Variants in FMR1NB observed in about 807,000 individuals in gnomAD.
FMR1NB encodes the protein FMR1 neighbor, also known as FMR1 neighbor protein.
FMR1NB carries 10 observed loss-of-function variants against 16.8 expected under a neutral mutation model. The ratio of observed to expected loss-of-function variants is 0.60; its 90% CI spans 0.37 to 1.01. The LOEUF (loss-of-function observed/expected upper bound fraction) is 1.01, where lower values mean the gene tolerates loss of function less well. FMR1NB is among the 50% of genes least tolerant of loss of function. The pLI is 0.01. For synonymous variants in FMR1NB, 83 were observed against 79.1 expected, an observed-to-expected ratio of 1.05 and a Z score of -0.26; for missense variants, 205 against 204.8, an observed-to-expected ratio of 1.00 and a Z score of 0.00.
intron 1 of FMR1NB, among the ~76,000 whole-genome samples, chrX:148,002,622 A>T (rs1322699398): frequency 8.9e-6 from 1 of 112,391 alleles, no homozygotes; most frequent in Non-Finnish European, 1.9e-5. Context: ...GAGTTATAAT[A>T]GAGCCATATA....
intron 1 of FMR1NB, among the ~76,000 whole-genome samples, chrX:147,984,201 C>A (rs2044464984): frequency 9.0e-6 from 1 of 111,269 alleles, no homozygotes; most frequent in African/African-American, 3.3e-5. Context: ...GTATTCATGG[C>A]CACTAACGAC....
At chrX:147,985,132 T>C (rs1603068725) in intron 1 of FMR1NB, among the ~76,000 whole-genome samples, 1 of 111,184 alleles carries the variant, frequency 9.0e-6, no homozygotes. Flanking sequence ...TCTGCAGTTT[T>C]CTTGTGGTGT....
chrX:147,991,342 C>A (rs1370500702), intron 1 of FMR1NB, among the ~76,000 whole-genome samples: 2 of 110,079 alleles, frequency 1.8e-5, no homozygotes, highest in Non-Finnish European at 3.8e-5. Flanking sequence ...TTCCCTGCCT[C>A]ACCTTTGCTT....
chrX:147,997,474 C>A (rs781921674), intron 1 of FMR1NB, among the ~76,000 whole-genome samples: 1 of 112,388 alleles, frequency 8.9e-6, no homozygotes, highest in African/African-American at 3.2e-5. Flanking sequence ...GGATTAAACA[C>A]TTATGTGTAA....
intron 4 of FMR1NB, among the ~76,000 whole-genome samples, chrX:148,020,092 C>A (rs1469019134): frequency 8.9e-6 from 1 of 112,318 alleles, no homozygotes; most frequent in African/African-American, 3.2e-5. Flanking sequence ...TTCTGTTGTA[C>A]TGCAGGTGAT....
chrX:147,981,453 T>C lies in FMR1NB; in HGVS notation c.51T>C (p.Arg17=). The change falls in exon 1 of 6, where the codon CGT becomes CGC. Residue 17 remains arginine (R), a synonymous_variant. Coordinates refer to ENST00000370467, the MANE Select transcript of FMR1NB (RefSeq NM_152578.3). ...KAKGRNRRSH[R]AMRVAHLELA... ...AGGGGAGGAATAGGAGAAGTCACCG[T>C]GCCATGCGTGTGGCTCACTTAGAGC... 3.3e-6 allele frequency: 4 copies of C among 1,211,617 alleles called. No individual in the cohort carries two copies. Among genetic ancestry groups the C allele is most frequent in the Non-Finnish European group, 4.5e-6 (4 of 895,448 alleles).
intron 4 of FMR1NB, among the ~76,000 whole-genome samples, chrX:148,021,653 C>T (rs926559842): frequency 1.8e-5 from 2 of 111,055 alleles, no homozygotes; most frequent in African/African-American, 6.6e-5. Context: ...GGAATTGCCC[C>T]TTTACTCATC....
Position 148,006,727 on chromosome X carries a change from G to C in FMR1NB, c.423G>C (p.Val141=). Residue 141 remains valine, a synonymous_variant, in exon 3 of 6, where the codon GTG becomes GTC. Transcript: ENST00000370467. The part of the protein sequence containing the change: ...PTTCNLRENQ[V]AKPCNELQDL... Reference sequence around the variant, plus strand: ...CTTGCAATCTGAGGGAAAATCAGGTGGCAAAGCCTTGTAATGAGCTGCAAG... The same window carrying C: ...CTTGCAATCTGAGGGAAAATCAGGTCGCAAAGCCTTGTAATGAGCTGCAAG... 1 of 1,203,930 alleles carries C rather than the reference G, an allele frequency of 8.3e-7. No individual in the cohort carries two copies. The highest frequency in any genetic ancestry group is 1.8e-5 in the South Asian group (1 of 54,276).
At chrX:147,999,715 A>G (rs376082402) in intron 1 of FMR1NB, among the ~76,000 whole-genome samples, 5 of 111,640 alleles carry the variant, frequency 4.5e-5, no homozygotes, top group African/African-American at 1.6e-4. Context: ...CCATGAGGGC[A>G]GGGATCTTGT....
At chrX:148,014,369 A>C (rs1045909716) in intron 4 of FMR1NB, among the ~76,000 whole-genome samples, 2 of 112,119 alleles carry the variant, frequency 1.8e-5, no homozygotes, top group Admixed American at 9.5e-5. Context: ...TCCATCCTGC[A>C]ATGTCTTGCC....
intron 4 of FMR1NB, among the ~76,000 whole-genome samples, chrX:148,016,598 C>CTT (rs1194821435): frequency 3.6e-5 from 4 of 111,526 alleles, no homozygotes; most frequent in African/African-American, 1.3e-4. Context: ...TAGTTTCTTG[C>CTT]TTTTTATTTT....
intron 4 of FMR1NB, among the ~76,000 whole-genome samples, chrX:148,018,476 A>T (rs1413458024): frequency 1.8e-5 from 2 of 111,856 alleles, no homozygotes; most frequent in African/African-American, 3.3e-5. Flanking sequence ...CAAAACAGAG[A>T]CATAGATCAA....
chrX:147,989,591 GT>G (rs1255286594), intron 1 of FMR1NB, among the ~76,000 whole-genome samples: 2 of 112,108 alleles, frequency 1.8e-5, no homozygotes, highest in African/African-American at 6.5e-5. Flanking sequence ...AGGCAGGAAC[GT>G]TTAAGTCTGC....
intron 3 of FMR1NB, chrX:148,008,221 AGCTATTTATTTACC>A: frequency 1.5e-5 from 2 of 130,128 alleles, no homozygotes; most frequent in Non-Finnish European, 3.2e-5. Context: ...TAGATTAAGA[AGCTATTTATTTACC>A]AAGTTAACGG....
intron 4 of FMR1NB, among the ~76,000 whole-genome samples, chrX:148,021,706 T>C (rs1337017500): frequency 9.0e-6 from 1 of 111,101 alleles, no homozygotes; most frequent in African/African-American, 3.3e-5. Context: ...ACATTGTTAT[T>C]CACTCAAAAC....
At chrX:148,026,233 T>C (rs2044703154) in intron 5 of FMR1NB, among the ~76,000 whole-genome samples, 1 of 111,042 alleles carries the variant, frequency 9.0e-6, no homozygotes, top group South Asian at 3.8e-4. Context: ...CAAAACTTGG[T>C]TTCTGTGGAC....
intron 4 of FMR1NB, among the ~76,000 whole-genome samples, chrX:148,014,548 T>C (rs888738210): frequency 2.9e-4 from 32 of 111,576 alleles, no homozygotes; most frequent in Middle Eastern, 4.3e-3. Flanking sequence ...GTCTGTGTAA[T>C]AAGGGACATA....
At chrX:148,024,261 A>G (rs1394530484) in intron 4 of FMR1NB, among the ~76,000 whole-genome samples, 1 of 111,739 alleles carries the variant, frequency 8.9e-6, no homozygotes, top group East Asian at 2.8e-4. Context: ...CATTTGCAAA[A>G]TAGGAAACAC....
chrX:147,992,352 T>G (rs1234777443), intron 1 of FMR1NB, among the ~76,000 whole-genome samples: 4 of 57,017 alleles, frequency 7.0e-5, no homozygotes, highest in African/African-American at 2.2e-4. Context: ...ACCCCCCACC[T>G]CCCTCCCGGA....
Sources: allele counts gnomAD v4.1 joint callset (sites outside exome capture counted in the v4.1 genomes callset), GRCh38; gene constraint gnomAD v4.1.1; transcripts MANE v1.5; gene names NCBI Gene and HGNC (gene_info 2026-07-23, HGNC 2026-07-21).